The following PBLD variants were observed in gnomAD, a reference collection of about 807,000 sequenced individuals.
The protein encoded by PBLD is phenazine biosynthesis like protein domain containing.
Under a neutral mutation model 31.3 loss-of-function variants are expected in PBLD, and 26 were observed. That is an observed-to-expected ratio of 0.83 (90% CI 0.61 to 1.15). The LOEUF is 1.15. PBLD is among the 50% of genes most tolerant of loss of function. PBLD has a pLI of 0.00. For synonymous variants in PBLD, 114 were observed against 129.0 expected, an observed-to-expected ratio of 0.88 and a Z score of 0.79; for missense variants, 307 against 351.7, an observed-to-expected ratio of 0.87 and a Z score of 1.02.
At chr10:68,320,812 C>T (rs1329709825) in intron 1 of PBLD, among the ~76,000 whole-genome samples, 1 of 146,426 alleles carries the variant, frequency 6.8e-6, no homozygotes, top group African/African-American at 2.6e-5. Context: ...AGCCATTGTG[C>T]TCAACCCCCT....
intron 6 of PBLD, 23 bp downstream of exon 6, chr10:68,291,987 C>T: frequency 6.4e-7 from 1 of 1,568,750 alleles, no homozygotes; most frequent in Non-Finnish European, 8.8e-7. Context: ...TAACTAGGCT[C>T]AGGTTTGATT....
intron 2 of PBLD, among the ~76,000 whole-genome samples, chr10:68,297,567 T>A (rs1472181434): frequency 6.6e-6 from 1 of 152,184 alleles, no homozygotes; most frequent in Non-Finnish European, 1.5e-5. Flanking sequence ...TGATTCTAAG[T>A]TCTGTTGGGG....
At chr10:68,324,604 C>CT (rs1554861404) in intron 1 of PBLD, among the ~76,000 whole-genome samples, 7 of 148,526 alleles carry the variant, frequency 4.7e-5, no homozygotes, top group African/African-American at 1.8e-4. Flanking sequence ...ACCCTCCACA[C>CT]TTTATTTATT....
chr10:68,294,145 T>C (rs2044394949), intron 4 of PBLD, among the ~76,000 whole-genome samples: 1 of 152,206 alleles, frequency 6.6e-6, no homozygotes, highest in Non-Finnish European at 1.5e-5. Context: ...TTACATTATA[T>C]GGCTTCTCAA....
chr10:68,331,011 C>T (rs1179240988), intron 1 of PBLD, among the ~76,000 whole-genome samples: 1 of 152,060 alleles, frequency 6.6e-6, no homozygotes, highest in African/African-American at 2.4e-5. Context: ...GTCCCATCTA[C>T]TCCCGTGCGC....
intron 1 of PBLD, among the ~76,000 whole-genome samples, chr10:68,313,892 T>C (rs1382947667): frequency 6.6e-6 from 1 of 152,312 alleles, no homozygotes; most frequent in East Asian, 1.9e-4. Context: ...TTTCTGCTGC[T>C]CTGTTAAGGA....
At chr10:68,324,575 T>C (rs947506790) in intron 1 of PBLD, among the ~76,000 whole-genome samples, 2 of 151,936 alleles carry the variant, frequency 1.3e-5, no homozygotes, top group Non-Finnish European at 2.9e-5. Flanking sequence ...TCTTCTCTCT[T>C]CTTACCCTCC....
intron 4 of PBLD, among the ~76,000 whole-genome samples, chr10:68,295,105 G>A (rs1295094441): frequency 1.3e-5 from 2 of 152,140 alleles, no homozygotes; most frequent in Non-Finnish European, 2.9e-5. Context: ...ACTAAATGCA[G>A]CTAAGATAGA....
intron 1 of PBLD, among the ~76,000 whole-genome samples, chr10:68,328,417 G>A (rs144108369): frequency 1.3e-5 from 2 of 152,170 alleles, no homozygotes; most frequent in South Asian, 2.1e-4. Flanking sequence ...GGCTCTGCAC[G>A]GAATTTTCCT....
chr10:68,291,291 G>A (rs996981673), intron 6 of PBLD, among the ~76,000 whole-genome samples: 4 of 152,174 alleles, frequency 2.6e-5, no homozygotes, highest in Non-Finnish European at 4.4e-5. Context: ...GAAATGCTCA[G>A]CATGTGGCAC....
Position 68,285,336 on chromosome 10 carries a change from G to C in PBLD, c.754+12C>G, listed in dbSNP as rs751705939. 41 of 1,613,916 alleles carry C rather than the reference G, an allele frequency of 2.5e-5. No homozygotes were observed. The highest frequency in any genetic ancestry group is 8.3e-5 in the Admixed American group (5 of 59,974). On this transcript the variant is annotated intron_variant, in intron 9 of 9. Coordinates refer to ENST00000358769, the MANE Select transcript of PBLD (RefSeq NM_022129.4). The stretch of plus-strand genomic sequence containing the variant: ...GGCAAATAAAAAAGAAATTGGTAAA[G>C]AGCTGTCCTACCATGCATTTCTTTC...
chr10:68,294,067 T>C (rs910338354), intron 4 of PBLD, among the ~76,000 whole-genome samples: 1 of 152,206 alleles, frequency 6.6e-6, no homozygotes, highest in Non-Finnish European at 1.5e-5. Flanking sequence ...TTCGGAATGT[T>C]TGCTTGCCTT....
intron 9 of PBLD, among the ~76,000 whole-genome samples, 196 bp from the exon 10 acceptor site, chr10:68,284,485 T>G (rs1054040688): frequency 7.9e-5 from 12 of 152,218 alleles, no homozygotes; most frequent in African/African-American, 2.9e-4. Flanking sequence ...CAATTTGATC[T>G]ACAGAACACA....
At chr10:68,287,390 C>G (rs1443442588) in intron 8 of PBLD, 1 of 152,170 alleles carries the variant, frequency 6.6e-6, no homozygotes, top group Non-Finnish European at 1.5e-5. Flanking sequence ...CTGCTTGGAA[C>G]TTTTCTTCCA....
At chr10:68,312,220 C>T (rs2044678731) in intron 1 of PBLD, among the ~76,000 whole-genome samples, 1 of 152,188 alleles carries the variant, frequency 6.6e-6, no homozygotes, top group South Asian at 2.1e-4. Flanking sequence ...TGCTGAATTA[C>T]ATGGTTAGTT....
chr10:68,330,231 T>TA (rs2045003397), intron 1 of PBLD, among the ~76,000 whole-genome samples: 1 of 152,118 alleles, frequency 6.6e-6, no homozygotes, highest in Admixed American at 6.5e-5. Context: ...ACACTCGTCT[T>TA]AAGCAGGTTT....
At chr10:68,297,526 T>C (rs1381804497) in intron 2 of PBLD, among the ~76,000 whole-genome samples, 3 of 152,182 alleles carry the variant, frequency 2.0e-5, no homozygotes, top group East Asian at 1.9e-4. Context: ...AATTGCCTGG[T>C]GTGCCCTTTA....
At chr10:68,299,059 A>G (rs111605542) in intron 2 of PBLD, among the ~76,000 whole-genome samples, 1 of 139,588 alleles carries the variant, frequency 7.2e-6, no homozygotes, top group African/African-American at 2.7e-5. Flanking sequence ...GTGAGCCAAG[A>G]TCGCGCCACT....
At chr10:68,319,111 G>GAGAAAGAAAGAAA (rs1554860577) in intron 1 of PBLD, among the ~76,000 whole-genome samples, 6 of 115,614 alleles carry the variant, frequency 5.2e-5, no homozygotes, top group African/African-American at 1.6e-4. Context: ...AAGAAAGAAA[G>GAGAAAGAAAGAAA]GAAAAAGAAA....
Sources: gnomAD v4.1 joint callset for allele counts (sites outside exome capture counted in the v4.1 genomes callset) on GRCh38, gnomAD v4.1.1 for gene constraint, MANE v1.5 for transcripts, NCBI Gene and HGNC (gene_info 2026-07-23, HGNC 2026-07-21) for gene names.